CCDC148: variants seen among roughly 807,000 people sequenced by gnomAD.
The protein encoded by CCDC148 is coiled-coil domain containing 148.
Under a neutral mutation model 85.7 loss-of-function variants are expected in CCDC148, and 89 were observed. The observed-to-expected ratio is 1.04, with a 90% CI of 0.87 to 1.24. CCDC148 has a LOEUF of 1.24. CCDC148 is among the 50% of genes most tolerant of loss of function. The pLI is 0.00. For synonymous variants in CCDC148, 230 were observed against 213.9 expected (o/e 1.08, Z -0.66); for missense variants, 692 against 671.7 (o/e 1.03, Z -0.33).
At chr2:158,175,248 T>A (rs866087435) in intron 13 of CCDC148, among the ~76,000 whole-genome samples, 14 of 152,160 alleles carry the variant, frequency 9.2e-5, no homozygotes, top group Middle Eastern at 3.4e-3. Context: ...GCCTCAGCTA[T>A]TCTCCCCACT....
chr2:158,204,253 GA>G (rs556799151), intron 11 of CCDC148, among the ~76,000 whole-genome samples: 2 of 152,278 alleles, frequency 1.3e-5, no homozygotes, highest in Admixed American at 1.3e-4. Flanking sequence ...GACTGTACAG[GA>G]AAAGGGCACT....
chr2:158,455,438 A>T (rs144065831), intron 1 of CCDC148, among the ~76,000 whole-genome samples: 1 of 152,106 alleles, frequency 6.6e-6, no homozygotes, highest in Non-Finnish European at 1.5e-5. Context: ...CTTAGGTTAC[A>T]TCTTTGTAAT....
intron 9 of CCDC148, among the ~76,000 whole-genome samples, chr2:158,266,881 T>C (rs565972030): frequency 1.3e-4 from 19 of 147,740 alleles, no homozygotes; most frequent in Non-Finnish European, 2.5e-4. Flanking sequence ...TTTACATATA[T>C]ATATATTTAT....
chr2:158,418,096 G>T (rs936726140), intron 1 of CCDC148, among the ~76,000 whole-genome samples: 6 of 151,166 alleles, frequency 4.0e-5, no homozygotes, highest in African/African-American at 1.5e-4. Flanking sequence ...AATCCCTTGA[G>T]TGTTTTTTTT....
At chr2:158,334,029 C>T (rs1693292201) in intron 7 of CCDC148, among the ~76,000 whole-genome samples, 1 of 152,062 alleles carries the variant, frequency 6.6e-6, no homozygotes, top group Admixed American at 6.6e-5. Flanking sequence ...TCCTTTTATT[C>T]TCCTGCTGCC....
At chr2:158,196,465 T>C (rs757442592) in intron 11 of CCDC148, among the ~76,000 whole-genome samples, 2 of 152,152 alleles carry the variant, frequency 1.3e-5, no homozygotes, top group Non-Finnish European at 2.9e-5. Context: ...TTGTTAAATA[T>C]GTCCAGTGCA....
intron 11 of CCDC148, among the ~76,000 whole-genome samples, chr2:158,204,211 A>C (rs1686113476): frequency 6.6e-6 from 1 of 152,202 alleles, no homozygotes; most frequent in Non-Finnish European, 1.5e-5. Context: ...ATAAAAATTT[A>C]ACAAGTAATT....
At chr2:158,250,671 G>C in intron 10 of CCDC148, 101 bp downstream of exon 10, 5 of 1,417,208 alleles carry the variant, frequency 3.5e-6, no homozygotes, top group Non-Finnish European at 4.6e-6. Flanking sequence ...AATGTTCTCA[G>C]AACTGCTTAT....
At chr2:158,226,058 C>A (rs1196594787) in intron 10 of CCDC148, among the ~76,000 whole-genome samples, 3 of 151,958 alleles carry the variant, frequency 2.0e-5, no homozygotes, top group African/African-American at 7.3e-5. Context: ...AGACTGCTAG[C>A]AAGACTAATA....
chr2:158,285,840 G>A, intron 9 of CCDC148, among the ~76,000 whole-genome samples: 1 of 151,962 alleles, frequency 6.6e-6, no homozygotes, highest in Non-Finnish European at 1.5e-5. Context: ...CCAGCCAAAA[G>A]TTAACTTATT....
At chr2:158,216,602 T>C (rs1686877464) in intron 11 of CCDC148, among the ~76,000 whole-genome samples, 1 of 151,970 alleles carries the variant, frequency 6.6e-6, no homozygotes, top group South Asian at 2.1e-4. Flanking sequence ...ACCATTGTAT[T>C]AGTTAGCTTG....
At position 158,283,774 on chromosome 2, in the gene CCDC148, A is replaced by G. The variant is rs372966632; in HGVS notation, c.1110+25659T>C. Among the ~76,000 whole-genome samples, 57 of 151,390 alleles carry G rather than the reference A, an allele frequency of 3.8e-4. 1 individual carries two copies. Among genetic ancestry groups the G allele is most frequent in the African/African-American group, 6.3e-4 (26 of 41,274 alleles). On this transcript the variant is annotated intron_variant, in intron 9 of 13. Transcript: ENST00000283233. Reference sequence around the variant, plus strand: ...CATTTGACCCAGCCATCCCATTACTAGGTATATACCCAAAGGACTATAAAT... The same window carrying G: ...CATTTGACCCAGCCATCCCATTACTGGGTATATACCCAAAGGACTATAAAT...
Position 158,340,190 on chromosome 2 carries a change from T to C in CCDC148, c.486+52A>G, listed in dbSNP as rs532399195. On this transcript the variant is annotated intron_variant, in intron 5 of 13. Transcript: ENST00000283233. The stretch of plus-strand genomic sequence containing the variant: ...TGTTTCTTATCTCAAACTCTTCTAG[T>C]TGGGACAAAAATGAAATATTACATT... 55 of 1,562,856 alleles carry C rather than the reference T, an allele frequency of 3.5e-5. No homozygotes were observed. In the East Asian group the frequency reaches 1.1e-3, roughly 30 times the overall value.
At chr2:158,222,460 C>T (rs10176815) in intron 10 of CCDC148, among the ~76,000 whole-genome samples, 1 of 149,056 alleles carries the variant, frequency 6.7e-6, no homozygotes, top group Non-Finnish European at 1.5e-5. Context: ...TGCTCTCTCC[C>T]TCTCTCTCTT....
intron 9 of CCDC148, among the ~76,000 whole-genome samples, chr2:158,285,048 G>A (rs1206482033): frequency 6.6e-6 from 1 of 152,186 alleles, no homozygotes; most frequent in Non-Finnish European, 1.5e-5. Flanking sequence ...AACACTTTGG[G>A]AGGCCAAGGT....
At chr2:158,201,835 AT>A (rs1370415978) in intron 11 of CCDC148, among the ~76,000 whole-genome samples, 1 of 152,206 alleles carries the variant, frequency 6.6e-6, no homozygotes, top group Non-Finnish European at 1.5e-5. Context: ...CTAGATACTA[AT>A]TGATATTATG....
intron 11 of CCDC148, chr2:158,207,363 G>C (rs1260470089): frequency 1.3e-5 from 2 of 152,160 alleles, no homozygotes; most frequent in African/African-American, 4.8e-5. Flanking sequence ...CCAATATATG[G>C]TGCTATTTCT....
In CCDC148 at chr2:158,427,636, G is replaced by A. The variant is rs1687136907; in HGVS notation, c.25+28779C>T. ...TATAATCCCAACACTTTAGGGGGCT[G>A]AGGCAGGAGGATTACTTGAGCTCAG... On this transcript the variant is annotated intron_variant, in intron 1 of 13. Transcript: ENST00000283233. Among the ~76,000 whole-genome samples the A allele has an allele frequency of 3.3e-5, 5 of 152,240 alleles. No homozygotes were observed. The South Asian group carries it at 1.0e-3, about 32-fold the overall frequency.
In CCDC148 at chr2:158,262,100, T is replaced by A. The variant is rs369517019; in HGVS notation, c.1111-11188A>T. Among the ~76,000 whole-genome samples the A allele has an allele frequency of 2.0e-5, 3 of 152,000 alleles. No homozygotes were observed. The East Asian group carries it at 5.8e-4, about 29-fold the overall frequency. ...AGCACTATTCACAATAGCAAAGATGTGGAATCAACCTAAATGCCTACCAAT... is the reference window on the plus strand; with the variant it reads ...AGCACTATTCACAATAGCAAAGATGAGGAATCAACCTAAATGCCTACCAAT... On this transcript the variant is annotated intron_variant, in intron 9 of 13. Transcript: ENST00000283233.
Sources: allele counts gnomAD v4.1 joint callset (sites outside exome capture counted in the v4.1 genomes callset), GRCh38; gene constraint gnomAD v4.1.1; transcripts MANE v1.5; gene names NCBI Gene and HGNC (gene_info 2026-07-23, HGNC 2026-07-21).